TRAPPC8: variants seen among roughly 807,000 people sequenced by gnomAD.
TRAPPC8 encodes trafficking protein particle complex subunit 8, also known as general sporulation gene 1 homolog.
TRAPPC8 carries 54 observed loss-of-function variants against 174.3 expected under a neutral mutation model. The ratio of observed to expected loss-of-function variants is 0.31; its 90% CI spans 0.25 to 0.39. The LOEUF is 0.39. Ranked by LOEUF, TRAPPC8 falls within the 10% of genes least tolerant of loss-of-function variation. The probability of loss-of-function intolerance (pLI) is 1.00; values close to 1 mark genes in which losing one functional copy is unlikely to be tolerated. For missense variants in TRAPPC8, 1,531 were observed against 1,699.1 expected (o/e 0.90, Z 1.74); for synonymous variants, 630 against 579.9 (o/e 1.09, Z -1.24).
chr18:31,925,036 ATAAG>A (rs949028775), intron 2 of TRAPPC8, among the ~76,000 whole-genome samples: 20 of 152,270 alleles, frequency 1.3e-4, no homozygotes, highest in African/African-American at 4.6e-4. Context: ...GAAAAAAACT[ATAAG>A]TAATAAAAAT....
chr18:31,870,238 T>C (rs968649411), intron 16 of TRAPPC8, 134 bp downstream of exon 16: 126 of 739,318 alleles, frequency 1.7e-4, no homozygotes, highest in Non-Finnish European at 2.4e-4. Context: ...TAAGTACATA[T>C]CATAATTTTT....
intron 13 of TRAPPC8, chr18:31,874,190 C>A: frequency 6.7e-6 from 3 of 447,646 alleles, no homozygotes; most frequent in East Asian, 3.6e-5. Context: ...TCTATAAAAG[C>A]ATGATGAATA....
chr18:31,917,822 T>C (rs1346093663), intron 2 of TRAPPC8, among the ~76,000 whole-genome samples, 155 bp from the exon 3 acceptor site: 1 of 152,150 alleles, frequency 6.6e-6, no homozygotes, highest in Non-Finnish European at 1.5e-5. Context: ...TACATGTGTG[T>C]ATATATAAAA....
chr18:31,905,226 T>C (rs2036608875), intron 9 of TRAPPC8, among the ~76,000 whole-genome samples: 1 of 152,186 alleles, frequency 6.6e-6, no homozygotes, highest in Non-Finnish European at 1.5e-5. Context: ...TGATATCAGT[T>C]CAAATTAAAT....
intron 26 of TRAPPC8, among the ~76,000 whole-genome samples, chr18:31,844,079 T>C (rs1406878630): frequency 6.6e-6 from 1 of 152,212 alleles, no homozygotes; most frequent in Non-Finnish European, 1.5e-5. Context: ...TCTTGCATTT[T>C]CTCTGCCCCA....
chr18:31,831,625 T>G (rs2032378938), intron 28 of TRAPPC8, among the ~76,000 whole-genome samples: 1 of 152,186 alleles, frequency 6.6e-6, no homozygotes, highest in Non-Finnish European at 1.5e-5. Context: ...ATATTGAAAC[T>G]GTTTATAATA....
At position 31,916,308 on chromosome 18, in the gene TRAPPC8, A is replaced by G; in HGVS notation, c.581T>C (p.Val194Ala). The G allele has an allele frequency of 1.2e-6, 2 of 1,602,498 alleles. No individual in the cohort carries two copies. Among genetic ancestry groups the G allele is most frequent in the Non-Finnish European group, 1.7e-6 (2 of 1,175,666 alleles). Residue 194 changes from valine to alanine, a missense_variant, in exon 4 of 29, where the codon GTA (valine) becomes GCA (alanine). By Grantham distance (64) the Val-to-Ala change is moderately conservative. Transcript: ENST00000283351. ...WFIPNTLKYY[V>A]LLHDVSAGDE... ...TCCTGCACTTACATCATGTAAAAGT[A>G]CATAGTATTTAAGTGTATTTGGTAT...
chr18:31,833,862 C>A (rs1042996326), intron 27 of TRAPPC8, among the ~76,000 whole-genome samples: 3 of 151,808 alleles, frequency 2.0e-5, no homozygotes, highest in Non-Finnish European at 4.4e-5. Flanking sequence ...AGTAGCCGGG[C>A]GTGGTGGCAG....
At position 31,916,388 on chromosome 18, in the gene TRAPPC8, T is replaced by C. The variant is rs934076964; in HGVS notation, c.501A>G (p.Ser167=). The stretch of plus-strand genomic sequence containing the variant: ...TGTGCTGAATTCGATGCTGTTCTTG[T>C]GACAACTTTGAAAACTGTTCCACAG... ...AEPVEQFSKL[S]QEQHRIQHNS... The change falls in exon 4 of 29, where the codon TCA becomes TCG. Residue 167 remains serine, a synonymous_variant. Coordinates refer to ENST00000283351, the MANE Select transcript of TRAPPC8 (RefSeq NM_014939.5). The C allele has an allele frequency of 1.1e-5, 18 of 1,613,822 alleles. No individual in the cohort carries two copies. Among genetic ancestry groups the C allele is most frequent in the Non-Finnish European group, 1.5e-5 (18 of 1,179,930 alleles).
At chr18:31,865,516 A>G (rs543366226) in intron 18 of TRAPPC8, among the ~76,000 whole-genome samples, 1 of 151,992 alleles carries the variant, frequency 6.6e-6, no homozygotes, top group African/African-American at 2.4e-5. Flanking sequence ...ATTTTACATA[A>G]TAATGAGCTA....
At position 31,916,776 on chromosome 18, in the gene TRAPPC8, C is replaced by T. The variant is rs181994960; in HGVS notation, c.443-330G>A. On this transcript the variant is annotated intron_variant, in intron 3 of 28. Coordinates refer to ENST00000283351, the MANE Select transcript of TRAPPC8 (RefSeq NM_014939.5). ...CTTGAACTCCTGACCTCAGGTAACCCGCCCGCCTCAGCCTCCCAAAGTGCT... is the reference window on the plus strand; with the variant it reads ...CTTGAACTCCTGACCTCAGGTAACCTGCCCGCCTCAGCCTCCCAAAGTGCT... 9.7e-4 allele frequency among the ~76,000 whole-genome samples: 147 copies of T among 151,364 alleles called. 1 individual carries two copies. Among genetic ancestry groups the T allele is most frequent in the African/African-American group, 3.2e-3 (133 of 41,256 alleles).
intron 3 of TRAPPC8, among the ~76,000 whole-genome samples, chr18:31,916,760 CT>C (rs1303900246): frequency 6.7e-6 from 1 of 150,310 alleles, no homozygotes; most frequent in Non-Finnish European, 1.5e-5. Flanking sequence ...TCTTGAACTC[CT>C]GACCTCAGGT....
rs2032240735 is a variant in TRAPPC8 at position 31,829,551 on chromosome 18, A to C, written c.*1204T>G. ...TTGCAGAGAGGCACACAGACTAGCC[A>C]CCCATCTCTCAAGAAGAGTTGTTCC... On this transcript the variant is annotated 3_prime_UTR_variant, in exon 29 of 29. Coordinates refer to ENST00000283351, the MANE Select transcript of TRAPPC8 (RefSeq NM_014939.5). 2 of 152,262 alleles carry C rather than the reference A, an allele frequency of 1.3e-5. No individual in the cohort carries two copies. The highest frequency in any genetic ancestry group is 4.1e-4 in the South Asian group (2 of 4,832). The allele number at this position is 152,262 out of a possible 1,614,324, so 9.4% of individuals were successfully genotyped here.
At chr18:31,935,108 G>A (rs1055448189) in intron 1 of TRAPPC8, among the ~76,000 whole-genome samples, 12 of 151,902 alleles carry the variant, frequency 7.9e-5, no homozygotes, top group Non-Finnish European at 1.6e-4. Flanking sequence ...ACTTTGAGAG[G>A]CCTTGGCGGG....
intron 5 of TRAPPC8, among the ~76,000 whole-genome samples, chr18:31,910,742 A>G (rs2036869820): frequency 6.6e-6 from 1 of 152,202 alleles, no homozygotes; most frequent in Admixed American, 6.5e-5. Flanking sequence ...CCTCTAAACT[A>G]TTCTCCAACT....
At position 31,908,736 on chromosome 18, in the gene TRAPPC8, C is replaced by CA. The variant is rs754220995; in HGVS notation, c.1122+17dup. 3.5e-5 allele frequency: 53 copies of CA among 1,513,274 alleles called. No individual in the cohort carries two copies. The highest frequency in any genetic ancestry group is 1.9e-4 in the Middle Eastern group (1 of 5,172). The allele number at this position is 1,513,274 out of a possible 1,614,324, so 93.7% of individuals were successfully genotyped here. A position where few individuals can be genotyped will look rare whatever the true frequency, so the allele number is the denominator to read the frequency against. On this transcript the variant is annotated intron_variant, in intron 7 of 28. Coordinates refer to ENST00000283351, the MANE Select transcript of TRAPPC8 (RefSeq NM_014939.5). Reference sequence around the variant, plus strand: ...TACTTAAATTTTTAAAATACTAATCCAAAAAATCAAACCTTACCTGATCGT... The same window carrying CA: ...TACTTAAATTTTTAAAATACTAATCCAAAAAAATCAAACCTTACCTGATCGT...
At chr18:31,874,747 G>A in intron 12 of TRAPPC8, 43 bp from the exon 13 acceptor site, 1 of 1,542,618 alleles carries the variant, frequency 6.5e-7, no homozygotes, top group Non-Finnish European at 8.8e-7. Context: ...CTCCAAATTT[G>A]TTTGAACTAG....
chr18:31,837,878 A>G (rs1318622169), intron 27 of TRAPPC8, among the ~76,000 whole-genome samples: 3 of 151,966 alleles, frequency 2.0e-5, no homozygotes, highest in South Asian at 4.2e-4. Flanking sequence ...GAAAGAAGCT[A>G]GACATACAAA....
Position 31,897,895 on chromosome 18 carries a change from T to TA in TRAPPC8, c.1491-5dup. On this transcript the variant is annotated splice_polypyrimidine_tract_variant and splice_region_variant and intron_variant, in intron 10 of 28. Transcript: ENST00000283351. ...TCTTTCAGCCAACACCATATTCCTA[T>TA]AGAAAAAAGGACAAGAAGATAAAAT... The TA allele has an allele frequency of 1.2e-6, 2 of 1,606,680 alleles. No homozygotes were observed. Among genetic ancestry groups the TA allele is most frequent in the Non-Finnish European group, 1.7e-6 (2 of 1,176,378 alleles).
Sources: allele counts gnomAD v4.1 joint callset (sites outside exome capture counted in the v4.1 genomes callset), GRCh38; gene constraint gnomAD v4.1.1; transcripts MANE v1.5; gene names NCBI Gene and HGNC (gene_info 2026-07-23, HGNC 2026-07-21).